CRYBG1: variants seen among roughly 807,000 people sequenced by gnomAD.
CRYBG1 encodes the protein crystallin beta-gamma domain containing 1.
In CRYBG1, 139 loss-of-function variants were observed where a neutral mutation model predicts 189.2. That is an observed-to-expected ratio of 0.73 (90% CI 0.64 to 0.85). The LOEUF (loss-of-function observed/expected upper bound fraction) is 0.85. Ranked by LOEUF, CRYBG1 falls within the 40% of genes least tolerant of loss-of-function variation. CRYBG1 has a pLI of 0.00. For synonymous variants in CRYBG1, 1,023 were observed against 1,017.1 expected, an observed-to-expected ratio of 1.01 and a Z score of -0.11; for missense variants, 2,611 against 2,675.8, an observed-to-expected ratio of 0.98 and a Z score of 0.53.
At chr6:106,522,874 A>T (rs1011476361) in intron 4 of CRYBG1, among the ~76,000 whole-genome samples, 7 of 152,040 alleles carry the variant, frequency 4.6e-5, no homozygotes, top group African/African-American at 1.7e-4. Flanking sequence ...TTTTCATGTG[A>T]TTTCATAAAC....
intron 2 of CRYBG1, among the ~76,000 whole-genome samples, chr6:106,495,539 G>A (rs79413328): frequency 0.017 from 2,591 of 149,562 alleles, 70 homozygotes; most frequent in African/African-American, 0.06. Flanking sequence ...GTTTTGGGGG[G>A]GCTCAAAAAT....
chr6:106,555,944 T>G (rs1423595824), intron 17 of CRYBG1, 47 bp downstream of exon 17: 1 of 1,608,796 alleles, frequency 6.2e-7, no homozygotes. Context: ...ATGCCTCATA[T>G]AGCTGATGGT....
chr6:106,568,451 T>A (rs752900205), intron 21 of CRYBG1, 21 bp from the exon 22 acceptor site: 12 of 1,583,798 alleles, frequency 7.6e-6, no homozygotes, highest in Non-Finnish European at 1.0e-5. Flanking sequence ...ATTCATCTTT[T>A]ATTATTTTCC....
Position 106,536,862 on chromosome 6 carries a change from T to A in CRYBG1, c.4719-2541T>A, listed in dbSNP as rs753393552. On this transcript the variant is annotated intron_variant, in intron 8 of 21. Transcript: ENST00000633556. ...CTGAAATAACCCTGCCTGGAGATAG[T>A]TTCCCCCTCTCCTGATGGCCTCATA... Among the ~76,000 whole-genome samples, 68 of 152,176 alleles carry A rather than the reference T, an allele frequency of 4.5e-4. 1 individual carries two copies. Among genetic ancestry groups the A allele is most frequent in the Non-Finnish European group, 3.1e-4 (21 of 68,020 alleles).
chr6:106,531,758 C>T (rs1773879887), intron 8 of CRYBG1, among the ~76,000 whole-genome samples: 1 of 152,074 alleles, frequency 6.6e-6, no homozygotes, highest in African/African-American at 2.4e-5. Flanking sequence ...AAGTAGACAC[C>T]ACTTGAGCCA....
intron 1 of CRYBG1, among the ~76,000 whole-genome samples, chr6:106,375,402 T>C (rs1426875407): frequency 5.9e-5 from 8 of 135,572 alleles, no homozygotes; most frequent in Non-Finnish European, 1.2e-4. Flanking sequence ...AGTAAGTAAG[T>C]AAGTAAGTAA....
At position 106,363,305 on chromosome 6, in the gene CRYBG1, T is replaced by A. The variant is rs955925773; in HGVS notation, c.173+2224T>A. 5.3e-5 allele frequency among the ~76,000 whole-genome samples: 8 copies of A among 152,162 alleles called. 1 individual carries two copies. The South Asian group carries it at 1.0e-3, about 20-fold the overall frequency. On this transcript the variant is annotated intron_variant, in intron 1 of 21. Transcript: ENST00000633556. ...ATTTGCTTCTCTCCTTGAGTTTTTT[T>A]ATATTTTAGTGCAGTCTTGAAACAC...
At chr6:106,453,102 C>T (rs1771816313) in intron 2 of CRYBG1, among the ~76,000 whole-genome samples, 1 of 152,134 alleles carries the variant, frequency 6.6e-6, no homozygotes, top group Non-Finnish European at 1.5e-5. Context: ...TGTACTTAAA[C>T]TACCGTTAGT....
chr6:106,432,901 G>A (rs1478950933), intron 1 of CRYBG1, among the ~76,000 whole-genome samples: 2 of 142,664 alleles, frequency 1.4e-5, no homozygotes, highest in Non-Finnish European at 3.0e-5. Context: ...GTGCAGTGAC[G>A]CCATCTCGGC....
Position 106,551,074 on chromosome 6 carries a change from C to T in CRYBG1, c.5313-778C>T, listed in dbSNP as rs567636005. ...GCATGATTTCCTGAAGTTTGGGGTA[C>T]GGTTGAACCCGTCAACCTGAGCATA... is the stretch of plus-strand genomic sequence containing the variant. On this transcript the variant is annotated intron_variant, in intron 13 of 21. Transcript: ENST00000633556. Among the ~76,000 whole-genome samples, 5 of 152,070 alleles carry T rather than the reference C, an allele frequency of 3.3e-5. No homozygotes were observed. The South Asian group carries it at 8.3e-4, about 25-fold the overall frequency.
chr6:106,442,960 A>G (rs1322765310), intron 1 of CRYBG1, among the ~76,000 whole-genome samples: 1 of 152,240 alleles, frequency 6.6e-6, no homozygotes, highest in African/African-American at 2.4e-5. Context: ...GTGCTGAGCT[A>G]TCTGTTGGTT....
rs1473212328 is a variant in CRYBG1, at chr6:106,385,269, A to G, written c.173+24188A>G. 2.6e-5 allele frequency among the ~76,000 whole-genome samples: 4 copies of G among 152,180 alleles called. No individual in the cohort carries two copies. The East Asian group carries it at 5.8e-4, about 22-fold the overall frequency. On this transcript the variant is annotated intron_variant, in intron 1 of 21. Coordinates refer to ENST00000633556, the MANE Select transcript of CRYBG1 (RefSeq NM_001371242.2). ...TCCATCTCCTCTCAGAGCTGCTCAA[A>G]CAGACATGGGTTAAGGGCATGTACT... is the stretch of plus-strand genomic sequence containing the variant.
chr6:106,496,511 A>G (rs1772854257), intron 2 of CRYBG1, among the ~76,000 whole-genome samples: 1 of 143,464 alleles, frequency 7.0e-6, no homozygotes, highest in Admixed American at 6.9e-5. Flanking sequence ...CAATTTGCCA[A>G]TTTTTTTTTT....
At chr6:106,452,111 T>A (rs1409045862) in intron 2 of CRYBG1, among the ~76,000 whole-genome samples, 1 of 148,212 alleles carries the variant, frequency 6.7e-6, no homozygotes, top group Non-Finnish European at 1.5e-5. Context: ...ACCATGATAA[T>A]AAAGAATGAG....
At chr6:106,430,739 C>A (rs1771307980) in intron 1 of CRYBG1, among the ~76,000 whole-genome samples, 2 of 152,046 alleles carry the variant, frequency 1.3e-5, no homozygotes, top group African/African-American at 4.8e-5. Flanking sequence ...TTTCCCTCTC[C>A]ATGGGGCGTC....
At position 106,391,845 on chromosome 6, in the gene CRYBG1, C is replaced by T. The variant is rs115010622; in HGVS notation, c.173+30764C>T. ...GCACACCACACTTGCTTCGTTCTTG[C>T]GCTCCAAATTCTTGTCATTAGAGGT... On this transcript the variant is annotated intron_variant, in intron 1 of 21. Coordinates refer to ENST00000633556, the MANE Select transcript of CRYBG1 (RefSeq NM_001371242.2). Among the ~76,000 whole-genome samples the T allele has an allele frequency of 9.7e-4, 147 of 152,198 alleles. 1 individual carries two copies. The Middle Eastern group carries it at 0.014, about 14-fold the overall frequency.
At chr6:106,375,102 G>A (rs1307795095) in intron 1 of CRYBG1, among the ~76,000 whole-genome samples, 1 of 152,154 alleles carries the variant, frequency 6.6e-6, no homozygotes, top group African/African-American at 2.4e-5. Context: ...GAGCACTGTG[G>A]CCAGGCGTGG....
chr6:106,433,772 T>C (rs1490585715), intron 1 of CRYBG1, among the ~76,000 whole-genome samples: 2 of 32,804 alleles, frequency 6.1e-5, no homozygotes, highest in African/African-American at 2.8e-4. Flanking sequence ...TATATATATA[T>C]GTATATATAT....
At chr6:106,367,010 G>T (rs1772013289) in intron 1 of CRYBG1, among the ~76,000 whole-genome samples, 1 of 152,186 alleles carries the variant, frequency 6.6e-6, no homozygotes, top group African/African-American at 2.4e-5. Flanking sequence ...CGCTCTCAGT[G>T]CCTTAAAAGT....
Sources: gnomAD v4.1 joint callset for allele counts (sites outside exome capture counted in the v4.1 genomes callset) on GRCh38, gnomAD v4.1.1 for gene constraint, MANE v1.5 for transcripts, NCBI Gene and HGNC (gene_info 2026-07-23, HGNC 2026-07-21) for gene names.